Variants in DIAPH2 observed in about 807,000 individuals in gnomAD.
DIAPH2 encodes diaphanous related formin 2, also known as protein diaphanous homolog 2.
In DIAPH2, 35 loss-of-function variants were observed where a neutral mutation model predicts 92.7. That is an observed-to-expected ratio of 0.38 (90% CI 0.29 to 0.50). The LOEUF is 0.50. Among genes scored for constraint, DIAPH2 ranks in the 20% least tolerant of loss-of-function variants. The pLI is 0.94. For synonymous variants in DIAPH2, 301 were observed against 280.4 expected, an observed-to-expected ratio of 1.07 and a Z score of -0.73; for missense variants, 701 against 819.5, an observed-to-expected ratio of 0.86 and a Z score of 1.77.
intron 9 of DIAPH2, 89 bp downstream of exon 9, chrX:96,918,706 A>C (rs916971454): frequency 4.6e-6 from 3 of 651,720 alleles, no homozygotes; most frequent in Non-Finnish European, 4.6e-6. Context: ...CTGGCATTTA[A>C]GTAGTATGGA....
intron 17 of DIAPH2, among the ~76,000 whole-genome samples, chrX:97,008,340 T>C (rs940390631): frequency 2.1e-4 from 23 of 110,497 alleles, no homozygotes; most frequent in African/African-American, 6.9e-4. Context: ...TTGAATTTCA[T>C]TGGATTTCCT....
chrX:96,996,307 A>G lies in DIAPH2; in HGVS notation c.2050+31100A>G, dbSNP rs186835431. Among the ~76,000 whole-genome samples the G allele has an allele frequency of 9.8e-5, 11 of 112,365 alleles. No individual in the cohort carries two copies. The East Asian group carries it at 3.1e-3, about 31-fold the overall frequency. On this transcript the variant is annotated intron_variant, in intron 17 of 26. Transcript: ENST00000324765. ...GATTGACCTAGTTAATTTTAATTTC[A>G]TACAATTCATAAAAGTTATGTTAGT...
intron 25 of DIAPH2, among the ~76,000 whole-genome samples, chrX:97,410,112 C>T (rs1010256859): frequency 3.6e-5 from 4 of 112,204 alleles, no homozygotes; most frequent in African/African-American, 9.7e-5. Context: ...AGACACCTCC[C>T]AGTTTGGGCC....
chrX:97,583,978 G>C (rs780497158), intron 26 of DIAPH2, among the ~76,000 whole-genome samples: 2 of 111,339 alleles, frequency 1.8e-5, no homozygotes, highest in South Asian at 7.6e-4. Flanking sequence ...AGGAAAGGGA[G>C]CTCCCTGACC....
chrX:96,746,607 G>A (rs779591271), intron 3 of DIAPH2, among the ~76,000 whole-genome samples: 1 of 110,102 alleles, frequency 9.1e-6, no homozygotes, highest in East Asian at 2.8e-4. Context: ...AGGCTGTAGT[G>A]CAGTGGTGTG....
chrX:97,450,874 A>T (rs1160518797), intron 26 of DIAPH2, among the ~76,000 whole-genome samples: 1 of 80,497 alleles, frequency 1.2e-5, no homozygotes, highest in East Asian at 4.2e-4. Flanking sequence ...CCTCCTATAC[A>T]ATGGGCTACT....
At chrX:96,822,051 T>G (rs1325258507) in intron 4 of DIAPH2, among the ~76,000 whole-genome samples, 3 of 110,977 alleles carry the variant, frequency 2.7e-5, no homozygotes, top group African/African-American at 9.8e-5. Flanking sequence ...AAGACATACC[T>G]GCCAGGTTGT....
At chrX:97,535,475 A>T (rs183791253) in intron 26 of DIAPH2, among the ~76,000 whole-genome samples, 1 of 111,937 alleles carries the variant, frequency 8.9e-6, no homozygotes, top group South Asian at 3.7e-4. Flanking sequence ...TTTTTGAGAC[A>T]GAGTCTCACT....
rs1569436454 is a variant in DIAPH2 at position 96,962,326 on chromosome X, CATATATATATACAT to C, written c.1936-2753_1936-2740del. ...ATATATATATACATATATATATACA[CATATATATATACAT>C]ATATATATATACACATATATATATA... On this transcript the variant is annotated intron_variant, in intron 16 of 26. Coordinates refer to ENST00000324765, the MANE Select transcript of DIAPH2 (RefSeq NM_006729.5). Among the ~76,000 whole-genome samples, 83 of 41,305 alleles carry C rather than the reference CATATATATATACAT, an allele frequency of 2.0e-3. 2 individuals are homozygous for C. The highest frequency in any genetic ancestry group is 3.8e-3 in the Non-Finnish European group (72 of 18,839). 35.9% of individuals were successfully genotyped at this position (41,305 alleles called of 115,157 possible).
At chrX:97,087,630 T>A (rs2147349732) in intron 19 of DIAPH2, among the ~76,000 whole-genome samples, 1 of 111,898 alleles carries the variant, frequency 8.9e-6, no homozygotes, top group South Asian at 3.8e-4. Context: ...TTATAAAAAT[T>A]GGTTATTATA....
At chrX:96,973,117 A>C (rs1206978664) in intron 17 of DIAPH2, among the ~76,000 whole-genome samples, 1 of 111,984 alleles carries the variant, frequency 8.9e-6, no homozygotes, top group African/African-American at 3.2e-5. Context: ...CAGCTGTTTA[A>C]AATATACAGT....
chrX:97,429,809 C>CA, intron 26 of DIAPH2, 64 bp downstream of exon 26: 3 of 946,748 alleles, frequency 3.2e-6, no homozygotes, highest in Admixed American at 3.9e-5. Context: ...AGTAGCAACA[C>CA]CAAAAAAAAA....
intron 23 of DIAPH2, among the ~76,000 whole-genome samples, chrX:97,256,019 C>T (rs746273455): frequency 1.8e-5 from 2 of 112,126 alleles, no homozygotes; most frequent in Non-Finnish European, 3.8e-5. Flanking sequence ...ACAAGAGACT[C>T]ATCTGGGAAA....
At chrX:96,783,481 G>A (rs1305671271) in intron 4 of DIAPH2, among the ~76,000 whole-genome samples, 1 of 112,160 alleles carries the variant, frequency 8.9e-6, no homozygotes, top group African/African-American at 3.2e-5. Flanking sequence ...TAGAGATGGT[G>A]GTAACAATTT....
intron 22 of DIAPH2, among the ~76,000 whole-genome samples, chrX:97,161,331 G>C (rs1424029759): frequency 9.0e-6 from 1 of 110,975 alleles, no homozygotes; most frequent in Non-Finnish European, 1.9e-5. Context: ...TTGTTGATTG[G>C]CATATAGCTG....
intron 23 of DIAPH2, among the ~76,000 whole-genome samples, chrX:97,272,403 G>A (rs1297983388): frequency 9.0e-6 from 1 of 111,670 alleles, no homozygotes; most frequent in Non-Finnish European, 1.9e-5. Flanking sequence ...AACATAATTA[G>A]CCATGATAGA....
At chrX:96,766,116 A>G (rs1186945959) in intron 4 of DIAPH2, among the ~76,000 whole-genome samples, 1 of 110,391 alleles carries the variant, frequency 9.1e-6, no homozygotes, top group Non-Finnish European at 1.9e-5. Flanking sequence ...TGTTCAAGAA[A>G]CTAGGTCTAA....
intron 25 of DIAPH2, among the ~76,000 whole-genome samples, chrX:97,410,718 A>G (rs971685697): frequency 1.8e-5 from 2 of 112,129 alleles, no homozygotes; most frequent in African/African-American, 6.5e-5. Context: ...AAGACACCTG[A>G]TGGAGCTGAA....
intron 17 of DIAPH2, among the ~76,000 whole-genome samples, chrX:96,991,660 A>C: frequency 9.5e-6 from 1 of 105,432 alleles, no homozygotes; most frequent in Non-Finnish European, 1.9e-5. Context: ...TTTTCCTGCT[A>C]TTCATTGAGG....
Sources: allele counts gnomAD v4.1 joint callset (sites outside exome capture counted in the v4.1 genomes callset), GRCh38; gene constraint gnomAD v4.1.1; transcripts MANE v1.5; gene names NCBI Gene and HGNC (gene_info 2026-07-23, HGNC 2026-07-21).